SOCS5: variants seen among roughly 807,000 people sequenced by gnomAD.
SOCS5 encodes the protein CIS-6.
Under a neutral mutation model 42.8 loss-of-function variants are expected in SOCS5, and 32 were observed. The ratio of observed to expected loss-of-function variants is 0.75; its 90% CI spans 0.56 to 1.01. The LOEUF is 1.01. Among genes scored for constraint, SOCS5 ranks in the 50% least tolerant of loss-of-function variants. SOCS5 has a pLI of 0.00. For missense variants in SOCS5, 627 were observed against 653.0 expected, an observed-to-expected ratio of 0.96 and a Z score of 0.43; for synonymous variants, 283 against 229.6, an observed-to-expected ratio of 1.23 and a Z score of -2.10.
At position 46,731,016 on chromosome 2, in the gene SOCS5, T is replaced by C. The variant is rs180830162; in HGVS notation, c.-12-27503T>C. Among the ~76,000 whole-genome samples the C allele has an allele frequency of 1.7e-3, 254 of 152,340 alleles. 3 individuals are homozygous for C. Among genetic ancestry groups the C allele is most frequent in the Middle Eastern group, 3.4e-3 (1 of 294 alleles). On this transcript the variant is annotated intron_variant, in intron 1 of 1. Coordinates refer to ENST00000394861, the MANE Select transcript of SOCS5 (RefSeq NM_144949.3). ...AAGTAGGCTTTATAGCCATTCTTTT[T>C]ATATTCGATTTTAAGTCCATTACTC...
chr2:46,716,367 A>ATTTTTTTTTTT (rs35187667), intron 1 of SOCS5, among the ~76,000 whole-genome samples: 3 of 17,042 alleles, frequency 1.8e-4, no homozygotes, highest in African/African-American at 3.5e-4. Context: ...GAGTGTCTTC[A>ATTTTTTTTTTT]TTTTTTTTTT....
intron 1 of SOCS5, among the ~76,000 whole-genome samples, chr2:46,721,332 G>C (rs1161752892): frequency 6.6e-6 from 1 of 152,020 alleles, no homozygotes; most frequent in Non-Finnish European, 1.5e-5. Flanking sequence ...CTGAGGCCCT[G>C]TATCATTTTG....
In SOCS5 at chr2:46,760,366, T is replaced by C. The variant is rs913873214; in HGVS notation, c.*225T>C. On this transcript the variant is annotated 3_prime_UTR_variant, in exon 2 of 2. Coordinates refer to ENST00000394861, the MANE Select transcript of SOCS5 (RefSeq NM_144949.3). Reference sequence around the variant, plus strand: ...GTGTTCAGTAAGACTACAAAAACATTTTGCCTATTTCGCTAACAGTTTGGT... The same window carrying C: ...GTGTTCAGTAAGACTACAAAAACATCTTGCCTATTTCGCTAACAGTTTGGT... The C allele has an allele frequency of 8.7e-6, 4 of 457,406 alleles. No individual in the cohort carries two copies. Among genetic ancestry groups the C allele is most frequent in the Non-Finnish European group, 1.2e-5 (3 of 251,398 alleles). The allele number at this position is 457,406 out of a possible 1,614,324, so 28.3% of individuals were successfully genotyped here.
chr2:46,736,712 C>G (rs994328099), intron 1 of SOCS5, among the ~76,000 whole-genome samples: 2 of 152,106 alleles, frequency 1.3e-5, no homozygotes, highest in African/African-American at 4.8e-5. Flanking sequence ...TTGGTTTGTC[C>G]ATGCATATGT....
chr2:46,752,168 C>CTT (rs573235689), intron 1 of SOCS5, among the ~76,000 whole-genome samples: 2 of 140,202 alleles, frequency 1.4e-5, no homozygotes, highest in African/African-American at 5.2e-5. Flanking sequence ...GTGTTTTGTT[C>CTT]TTTTTTTTTT....
At chr2:46,725,482 T>G (rs72802442) in intron 1 of SOCS5, among the ~76,000 whole-genome samples, 1 of 152,226 alleles carries the variant, frequency 6.6e-6, no homozygotes, top group Non-Finnish European at 1.5e-5. Context: ...TAAACAGTTT[T>G]TAGTACTCTA....
chr2:46,759,367 T>C lies in SOCS5; in HGVS notation c.837T>C (p.Pro279=). 6.2e-7 allele frequency: 1 copy of C among 1,613,952 alleles called. No individual in the cohort carries two copies. Among genetic ancestry groups the C allele is most frequent in the Non-Finnish European group, 8.5e-7 (1 of 1,179,852 alleles). Residue 279 remains proline, a synonymous_variant, in exon 2 of 2, where the codon CCT becomes CCC. Transcript: ENST00000394861. ...GTATTGAAGAAGGGGTTGATCCCCC[T>C]CCCAATGCACAAATACATACATTTG... ...RLSIEEGVDP[P]PNAQIHTFEA... is the part of the protein sequence containing the mutation.
At chr2:46,702,751 C>G (rs541493388) in intron 1 of SOCS5, among the ~76,000 whole-genome samples, 54 of 152,274 alleles carry the variant, frequency 3.5e-4, no homozygotes, top group Non-Finnish European at 6.8e-4. Flanking sequence ...TGCTGTAACC[C>G]AGGTCCAACT....
At chr2:46,721,130 G>C (rs1234652655) in intron 1 of SOCS5, among the ~76,000 whole-genome samples, 3 of 152,154 alleles carry the variant, frequency 2.0e-5, no homozygotes, top group Admixed American at 6.5e-5. Flanking sequence ...AGACTCCTTT[G>C]TATTGCAGTG....
In SOCS5 at chr2:46,759,263, A is replaced by G. The variant is rs1296072125; in HGVS notation, c.733A>G (p.Thr245Ala). The G allele has an allele frequency of 1.2e-6, 2 of 1,613,940 alleles. No individual in the cohort carries two copies. The highest frequency in any genetic ancestry group is 1.7e-6 in the Non-Finnish European group (2 of 1,179,892). ...TACAGCTCCTGTGAGCCCACATTCA[A>G]CATTTTTTGATACATTTGATCCATC... ...QHTAPVSPHS[T>A]FFDTFDPSLV... The change falls in exon 2 of 2, where the codon ACA becomes GCA. Residue 245 changes from threonine to alanine, a missense_variant. Around this residue, in one of 3 missense-constraint regions of SOCS5, gnomAD observed 340 missense variants for 367.6 expected, o/e 0.92. Coordinates refer to ENST00000394861, the MANE Select transcript of SOCS5 (RefSeq NM_144949.3).
intron 1 of SOCS5, among the ~76,000 whole-genome samples, chr2:46,754,648 AG>A (rs1235349666): frequency 6.6e-6 from 1 of 152,134 alleles, no homozygotes; most frequent in Non-Finnish European, 1.5e-5. Context: ...ACACTGTAAT[AG>A]TGTAACTCTA....
chr2:46,732,402 G>A (rs987991967), intron 1 of SOCS5, among the ~76,000 whole-genome samples: 23 of 152,242 alleles, frequency 1.5e-4, no homozygotes, highest in Admixed American at 1.2e-3. Flanking sequence ...TAGAGGGAGG[G>A]CATTCCAAGC....
At chr2:46,714,083 T>TGAAC (rs1672686138) in intron 1 of SOCS5, among the ~76,000 whole-genome samples, 1 of 152,222 alleles carries the variant, frequency 6.6e-6, no homozygotes, top group African/African-American at 2.4e-5. Context: ...TATGTCTTGG[T>TGAAC]GAACGTTCAA....
At chr2:46,752,534 TG>T (rs145179860) in intron 1 of SOCS5, among the ~76,000 whole-genome samples, 7,319 of 152,292 alleles carry the variant, frequency 0.048, 252 homozygotes, top group Non-Finnish European at 0.08. Flanking sequence ...ACAATATATT[TG>T]GGGGTTTGCT....
intron 1 of SOCS5, among the ~76,000 whole-genome samples, chr2:46,725,158 A>G (rs1337907360): frequency 6.6e-6 from 1 of 151,894 alleles, no homozygotes; most frequent in Non-Finnish European, 1.5e-5. Context: ...AAATGTACCT[A>G]TTTGATAATG....
chr2:46,741,314 G>C (rs543896706), intron 1 of SOCS5, among the ~76,000 whole-genome samples: 2 of 151,926 alleles, frequency 1.3e-5, no homozygotes, highest in African/African-American at 4.8e-5. Context: ...ATCTCAGCTC[G>C]CTGCAACCTC....
intron 1 of SOCS5, among the ~76,000 whole-genome samples, chr2:46,746,436 G>T (rs1209446106): frequency 1.3e-5 from 2 of 152,144 alleles, no homozygotes; most frequent in Admixed American, 6.5e-5. Context: ...TGGATTACAA[G>T]GTCAGGAGAT....
chr2:46,719,991 T>C (rs1269516053), intron 1 of SOCS5, among the ~76,000 whole-genome samples: 1 of 152,192 alleles, frequency 6.6e-6, no homozygotes, highest in Non-Finnish European at 1.5e-5. Flanking sequence ...TATCAAGCTA[T>C]GATAGTCTGA....
At position 46,760,261 on chromosome 2, in the gene SOCS5, AG is replaced by A; in HGVS notation, c.*121del. ...TCATACAGTATGTAAGCTTAGTGTT[AG>A]TATCTGTCAGATGCTACCTGCTGTT... On this transcript the variant is annotated 3_prime_UTR_variant, in exon 2 of 2. Transcript: ENST00000394861. 1.4e-6 allele frequency: 1 copy of A among 695,240 alleles called. No homozygotes were observed. The highest frequency in any genetic ancestry group is 2.5e-6 in the Non-Finnish European group (1 of 405,522). 43.1% of individuals were successfully genotyped at this position (695,240 alleles called of 1,614,324 possible). A position where few individuals can be genotyped will look rare whatever the true frequency, so the allele number is the denominator to read the frequency against.
Sources: gnomAD v4.1 joint callset for allele counts (sites outside exome capture counted in the v4.1 genomes callset) on GRCh38, gnomAD v4.1.1 for gene constraint, gnomAD v4.1.1 regional missense constraint, MANE v1.5 for transcripts, NCBI Gene and HGNC (gene_info 2026-07-23, HGNC 2026-07-21) for gene names.